Variants in CLVS1 observed in about 807,000 individuals in gnomAD.
The protein encoded by CLVS1 is clavesin-1.
CLVS1 carries 10 observed loss-of-function variants against 33.1 expected under a neutral mutation model. The ratio of observed to expected loss-of-function variants is 0.30; its 90% confidence interval spans 0.19 to 0.51. The LOEUF (loss-of-function observed/expected upper bound fraction) is 0.51, where lower values mean the gene tolerates loss of function less well. Among genes scored for constraint, CLVS1 ranks in the 20% least tolerant of loss-of-function variants. The probability of loss-of-function intolerance (pLI) is 0.97; values close to 1 mark genes in which losing one functional copy is unlikely to be tolerated. For synonymous variants in CLVS1, 163 were observed against 166.1 expected, an observed-to-expected ratio of 0.98 and a Z score of 0.14; for missense variants, 343 against 433.4, an observed-to-expected ratio of 0.79 and a Z score of 1.85.
At chr8:61,238,851 A>T (rs772544519) in intron 2 of CLVS1, among the ~76,000 whole-genome samples, 1 of 152,238 alleles carries the variant, frequency 6.6e-6, no homozygotes, top group Non-Finnish European at 1.5e-5. Flanking sequence ...ATCTTTAAAC[A>T]TCAATCTTGG....
chr8:61,008,841 T>C, the CLVS1 span, among the ~76,000 whole-genome samples: 1 of 152,234 alleles, frequency 6.6e-6, no homozygotes, highest in African/African-American at 2.4e-5. Context: ...GGACTCATGA[T>C]GTCATAAGAC....
chr8:61,299,831 G>A lies in CLVS1; in HGVS notation c.4G>A (p.Gly2Arg). The A allele has an allele frequency of 6.2e-7, 1 of 1,606,682 alleles. No individual in the cohort carries two copies. ...GTTTCAGCAGACCATCAGGTGAATG[G>A]GACCAGTCTCTCTTCTTCCAAAATA... Reference protein sequence around the residue: MGPVSLLPKYQK... With the variant: MRPVSLLPKYQK... The change falls in exon 2 of 6, where the codon GGA becomes AGA. Residue 2 changes from glycine to arginine, a missense_variant. Gly to Arg is a moderately radical substitution (Grantham distance 125, BLOSUM62 -2). Transcript: ENST00000325897.
At chr8:60,973,253 T>C in the CLVS1 span, among the ~76,000 whole-genome samples, 4 of 152,372 alleles carry the variant, frequency 2.6e-5, no homozygotes, top group East Asian at 1.9e-4. Flanking sequence ...ATGATTTTCA[T>C]TGGGTAGGAA....
At chr8:61,215,826 C>T (rs1399022462) in intron 2 of CLVS1, among the ~76,000 whole-genome samples, 1 of 151,824 alleles carries the variant, frequency 6.6e-6, no homozygotes, top group Non-Finnish European at 1.5e-5. Context: ...TGTTGTTTTC[C>T]AGACCGAGTG....
chr8:61,425,189 T>C (rs1449364433), intron 3 of CLVS1, among the ~76,000 whole-genome samples: 3 of 152,226 alleles, frequency 2.0e-5, no homozygotes, highest in Non-Finnish European at 4.4e-5. Flanking sequence ...AATCCTCTGA[T>C]ACACAAAATA....
At chr8:61,069,779 T>TTTTTA (rs1212611021) in intron 1 of CLVS1, among the ~76,000 whole-genome samples, 1 of 152,118 alleles carries the variant, frequency 6.6e-6, no homozygotes, top group Non-Finnish European at 1.5e-5. Context: ...TTTTTCTTTC[T>TTTTTA]TTTTATTTTA....
intron 3 of CLVS1, among the ~76,000 whole-genome samples, chr8:61,391,934 T>G (rs1814319516): frequency 6.6e-6 from 1 of 152,320 alleles, no homozygotes; most frequent in Non-Finnish European, 1.5e-5. Flanking sequence ...CTGCAATTCT[T>G]TTCTCAGGTC....
At chr8:61,016,459 G>T in the CLVS1 span, among the ~76,000 whole-genome samples, 3 of 152,308 alleles carry the variant, frequency 2.0e-5, no homozygotes, top group South Asian at 6.2e-4. Flanking sequence ...TATGACTAGA[G>T]GCCACCAAAA....
intron 2 of CLVS1, among the ~76,000 whole-genome samples, chr8:61,356,514 C>T (rs1200309084): frequency 1.3e-5 from 2 of 151,044 alleles, no homozygotes. Context: ...AATGGTAATG[C>T]CTAGGTTTTC....
intron 5 of CLVS1, among the ~76,000 whole-genome samples, chr8:61,498,324 A>G (rs1317097762): frequency 6.6e-6 from 1 of 152,212 alleles, no homozygotes; most frequent in Non-Finnish European, 1.5e-5. Flanking sequence ...TATCAGGTAG[A>G]CTACTCTAAG....
chr8:61,130,562 A>G (rs1806075122), intron 1 of CLVS1, among the ~76,000 whole-genome samples: 1 of 152,238 alleles, frequency 6.6e-6, no homozygotes, highest in Non-Finnish European at 1.5e-5. Context: ...TGGGTGAGAA[A>G]ATATGTTTCT....
intron 2 of CLVS1, chr8:61,370,347 T>C (rs979992606): frequency 1.4e-4 from 21 of 152,144 alleles, no homozygotes; most frequent in African/African-American, 4.8e-4. Flanking sequence ...TTATTTCTCA[T>C]TCCCCTCCTA....
At chr8:60,987,212 G>A in the CLVS1 span, among the ~76,000 whole-genome samples, 1 of 152,254 alleles carries the variant, frequency 6.6e-6, no homozygotes, top group Non-Finnish European at 1.5e-5. Context: ...CCAGCTTTGT[G>A]TGTGTGCATG....
chr8:61,302,118 G>T (rs1364968028), intron 2 of CLVS1, among the ~76,000 whole-genome samples: 2 of 152,052 alleles, frequency 1.3e-5, no homozygotes, highest in African/African-American at 2.4e-5. Context: ...AGGGCAACTT[G>T]GTAATCACTG....
At chr8:61,042,412 G>A in the CLVS1 span, among the ~76,000 whole-genome samples, 173 of 152,264 alleles carry the variant, frequency 1.1e-3, 3 homozygotes, top group South Asian at 0.027. Flanking sequence ...CATTCAGGCC[G>A]TGAAAACAAA....
the CLVS1 span, chr8:60,967,764 CTTT>C: frequency 4.4e-6 from 2 of 449,728 alleles, no homozygotes; most frequent in Non-Finnish European, 8.9e-6. Flanking sequence ...ACCGGCATCC[CTTT>C]TGCTTTCTTT....
chr8:61,188,621 G>C (rs757128955), intron 2 of CLVS1, among the ~76,000 whole-genome samples: 4 of 152,020 alleles, frequency 2.6e-5, no homozygotes, highest in African/African-American at 4.8e-5. Flanking sequence ...AATTAAAATT[G>C]CTAAAATTAG....
intron 2 of CLVS1, among the ~76,000 whole-genome samples, chr8:61,239,192 C>G (rs1277796847): frequency 2.0e-5 from 3 of 152,050 alleles, no homozygotes; most frequent in African/African-American, 7.2e-5. Flanking sequence ...GTTTAATCCC[C>G]TCTGTAATTT....
chr8:61,405,701 G>C (rs535932957), intron 3 of CLVS1, among the ~76,000 whole-genome samples: 2 of 145,406 alleles, frequency 1.4e-5, no homozygotes, highest in South Asian at 4.3e-4. Context: ...AAGTGGAACT[G>C]ACTTTTTTTT....
Sources: allele counts gnomAD v4.1 joint callset (sites outside exome capture counted in the v4.1 genomes callset), GRCh38; gene constraint gnomAD v4.1.1; transcripts MANE v1.5; gene names NCBI Gene and HGNC (gene_info 2026-07-23, HGNC 2026-07-21).